Variants in B4GALNT3 observed in about 807,000 individuals in gnomAD.
The protein encoded by B4GALNT3 is beta-1,4-N-acetyl-galactosaminyltransferase 3, also known as beta-1,4-N-acetylgalactosaminyltransferase 3.
B4GALNT3 carries 86 observed loss-of-function variants against 120.2 expected under a neutral mutation model. The ratio of observed to expected loss-of-function variants is 0.72; its 90% CI spans 0.60 to 0.86. B4GALNT3 has a LOEUF of 0.86. Among genes scored for constraint, B4GALNT3 ranks in the 40% least tolerant of loss-of-function variants. The pLI is 0.00. For missense variants in B4GALNT3, 1,167 were observed against 1,298.9 expected, an observed-to-expected ratio of 0.90 and a Z score of 1.56; for synonymous variants, 518 against 510.4, an observed-to-expected ratio of 1.01 and a Z score of -0.20.
chr12:471,658 G>T (rs1946137628), intron 1 of B4GALNT3, among the ~76,000 whole-genome samples: 1 of 151,728 alleles, frequency 6.6e-6, no homozygotes, highest in Admixed American at 6.6e-5. Context: ...AGTGAGCCAA[G>T]ATTATGCCAT....
chr12:534,564 G>A (rs1246448912), intron 1 of B4GALNT3, among the ~76,000 whole-genome samples: 3 of 152,146 alleles, frequency 2.0e-5, no homozygotes, highest in South Asian at 2.1e-4. Flanking sequence ...TACAGACAGC[G>A]TCAGCCACAC....
rs775917957 is a variant in B4GALNT3, at chr12:460,553, G to A, written c.169+8G>A. 9 of 1,442,084 alleles carry A rather than the reference G, an allele frequency of 6.2e-6. No homozygotes were observed. Among genetic ancestry groups the A allele is most frequent in the Non-Finnish European group, 8.3e-6 (9 of 1,086,520 alleles). 89.3% of individuals were successfully genotyped at this position (1,442,084 alleles called of 1,614,324 possible). Reference sequence around the variant, plus strand: ...GGAACCCCCTGAACCGGAGTAAGTAGCACCCAGGGGAGGCGAAGGGCGCGG... The same window carrying A: ...GGAACCCCCTGAACCGGAGTAAGTAACACCCAGGGGAGGCGAAGGGCGCGG... On this transcript the variant is annotated splice_region_variant and intron_variant, in intron 1 of 19. Coordinates refer to ENST00000266383, the MANE Select transcript of B4GALNT3 (RefSeq NM_173593.4). This position sits in a 1 kb window ranked among gnomAD's most constrained non-coding sequence, Gnocchi z 8.0.
intron 1 of B4GALNT3, among the ~76,000 whole-genome samples, chr12:484,840 T>C (rs564104458): frequency 1.3e-5 from 2 of 151,610 alleles, no homozygotes; most frequent in Admixed American, 1.3e-4. Flanking sequence ...TGGAGGATGC[T>C]AAATTCCTCC....
rs1333104334 is a variant in B4GALNT3 at position 511,778 on chromosome 12, T to TCCGC, written c.170-23387_170-23386insCGCC. Among the ~76,000 whole-genome samples, 4 of 58,284 alleles carry TCCGC rather than the reference T, an allele frequency of 6.9e-5. 1 individual carries two copies. The highest frequency in any genetic ancestry group is 2.4e-4 in the African/African-American group (3 of 12,666). The allele number at this position is 58,284 out of a possible 152,430, so 38.2% of individuals were successfully genotyped here. A position where few individuals can be genotyped will look rare whatever the true frequency, so the allele number is the denominator to read the frequency against. On this transcript the variant is annotated intron_variant, in intron 1 of 19. Transcript: ENST00000266383. ...TTCTTCCACCTTCCACCTTCCACCT[T>TCCGC]CTTCCACCTTCCACCTTCCACCTTC...
chr12:519,597 C>CT (rs33954082), intron 1 of B4GALNT3, among the ~76,000 whole-genome samples: 24,900 of 134,106 alleles, frequency 0.19, 2,634 homozygotes, highest in South Asian at 0.36. Context: ...TTCCTTTCTG[C>CT]TTTTTTTTTT....
rs1341347914 is a variant in B4GALNT3 at position 535,873 on chromosome 12, T to G, written c.274-345T>G. ...CTGTGGACCTGCACAATAGGGAGGGTTTGGTGGTGTCCCTGAGGGGCTCCC... is the reference window on the plus strand; with the variant it reads ...CTGTGGACCTGCACAATAGGGAGGGGTTGGTGGTGTCCCTGAGGGGCTCCC... On this transcript the variant is annotated intron_variant, in intron 2 of 19. Transcript: ENST00000266383. 4.0e-5 allele frequency among the ~76,000 whole-genome samples: 6 copies of G among 151,698 alleles called. 1 individual carries two copies. The highest frequency in any genetic ancestry group is 3.9e-4 in the Admixed American group (6 of 15,230).
At chr12:551,242 G>C (rs1227659546) in intron 11 of B4GALNT3, among the ~76,000 whole-genome samples, 4 of 152,246 alleles carry the variant, frequency 2.6e-5, no homozygotes, top group Non-Finnish European at 1.5e-5. Flanking sequence ...GCACGTGGGT[G>C]CTCTGCCTCA....
chr12:559,569 A>G, intron 19 of B4GALNT3, 148 bp downstream of exon 19: 1 of 1,137,680 alleles, frequency 8.8e-7, no homozygotes, highest in Non-Finnish European at 1.2e-6. Context: ...ACGCCCTCAA[A>G]TCACCGGCCT....
Position 562,788 on chromosome 12 carries a change from A to T in B4GALNT3, c.*1337A>T, listed in dbSNP as rs957158637. 4 of 152,294 alleles carry T rather than the reference A, an allele frequency of 2.6e-5. No homozygotes were observed. Among genetic ancestry groups the T allele is most frequent in the Admixed American group, 2.6e-4 (4 of 15,260 alleles). The allele number at this position is 152,294 out of a possible 1,614,324, so 9.4% of individuals were successfully genotyped here. ...TGCTGCTGCCTCCACCACTGCTGTG[A>T]ATTCACCCATGGTGCATTGGACACT... On this transcript the variant is annotated 3_prime_UTR_variant, in exon 20 of 20. Transcript: ENST00000266383. The surrounding 1 kb of genome is among the most constrained non-coding windows in gnomAD (Gnocchi z 5.2).
intron 1 of B4GALNT3, among the ~76,000 whole-genome samples, chr12:498,650 T>A (rs868607668): frequency 2.6e-5 from 4 of 152,042 alleles, no homozygotes; most frequent in Admixed American, 2.0e-4. Context: ...AATGACAAGC[T>A]GAGAAAAAGC....
At chr12:541,008 G>T (rs1216662476) in intron 3 of B4GALNT3, among the ~76,000 whole-genome samples, 1 of 152,248 alleles carries the variant, frequency 6.6e-6, no homozygotes, top group Non-Finnish European at 1.5e-5. Context: ...CTCCCAAAGT[G>T]CTGGGATTAC....
Position 537,139 on chromosome 12 carries a change from G to A in B4GALNT3, c.351+844G>A, listed in dbSNP as rs138795911. 1.5e-3 allele frequency among the ~76,000 whole-genome samples: 233 copies of A among 152,276 alleles called. 1 individual carries two copies. Among genetic ancestry groups the A allele is most frequent in the East Asian group, 7.7e-3 (40 of 5,186 alleles). ...ATTATACTCTATGAAACTAGTGCTC[G>A]AGGATCCATAGAAATGCTGTAACGA... On this transcript the variant is annotated intron_variant, in intron 3 of 19. Transcript: ENST00000266383.
chr12:513,328 A>G (rs910405686), intron 1 of B4GALNT3, among the ~76,000 whole-genome samples: 4 of 152,278 alleles, frequency 2.6e-5, no homozygotes, highest in Admixed American at 2.6e-4. Flanking sequence ...ACTATTCCAC[A>G]AGCAGAGCAG....
At chr12:559,042 G>A (rs939915039) in intron 18 of B4GALNT3, among the ~76,000 whole-genome samples, 17 of 152,134 alleles carry the variant, frequency 1.1e-4, no homozygotes, top group African/African-American at 2.2e-4. Flanking sequence ...TGTGGCTGCC[G>A]CTGTCCGATC....
Position 545,286 on chromosome 12 carries a change from A to G in B4GALNT3, c.539-83A>G, listed in dbSNP as rs186965519. ...AGCATCAAGCACTGAAGGGAATTTA[A>G]TCGCTAAGACACTCACAAAAGCCTC... On this transcript the variant is annotated intron_variant, in intron 5 of 19. Transcript: ENST00000266383. 12 of 1,521,192 alleles carry G rather than the reference A, an allele frequency of 7.9e-6. No homozygotes were observed. In the East Asian group the frequency reaches 1.9e-4, roughly 25 times the overall value. The allele number at this position is 1,521,192 out of a possible 1,614,324, so 94.2% of individuals were successfully genotyped here.
chr12:553,401 G>A lies in B4GALNT3; in HGVS notation c.1478G>A (p.Arg493Gln), dbSNP rs144085398. The change falls in exon 14 of 20, where the codon CGG becomes CAG. Residue 493 changes from arginine (R) to glutamine (Q), a missense_variant. By Grantham distance (43) the Arg-to-Gln change is conservative. Transcript: ENST00000266383. ...REGLLAPFSK[R>Q]NSTASFPGRT... The stretch of plus-strand genomic sequence containing the variant: ...GGCCTGCTGGCCCCCTTCTCCAAGC[G>A]GAACTCCACAGCGTCCTTCCCAGGG... The A allele has an allele frequency of 4.3e-5, 69 of 1,613,898 alleles. No individual in the cohort carries two copies. The highest frequency in any genetic ancestry group is 4.3e-4 in the African/African-American group (32 of 75,072).
At chr12:466,640 G>A (rs1343079122) in intron 1 of B4GALNT3, among the ~76,000 whole-genome samples, 6 of 152,184 alleles carry the variant, frequency 3.9e-5, no homozygotes, top group Non-Finnish European at 8.8e-5. Flanking sequence ...TATATTCTGA[G>A]CAAAGTGTGA....
chr12:557,053 C>T (rs1282517731), intron 15 of B4GALNT3, among the ~76,000 whole-genome samples, 187 bp downstream of exon 15: 2 of 152,168 alleles, frequency 1.3e-5, no homozygotes, highest in African/African-American at 2.4e-5. Context: ...TAAATGTTGC[C>T]GCTAAAAACA....
intron 12 of B4GALNT3, 132 bp from the exon 13 acceptor site, chr12:552,322 CACACACACACACA>C (rs1947093195): frequency 3.5e-6 from 3 of 865,802 alleles, no homozygotes; most frequent in Non-Finnish European, 5.7e-6. Context: ...CACACACACA[CACACACACACACA>C]CCCGCTCACC....
Sources: gnomAD v4.1 joint callset for allele counts (sites outside exome capture counted in the v4.1 genomes callset) on GRCh38, gnomAD v4.1.1 for gene constraint, Gnocchi (gnomAD v3.1) non-coding constraint, MANE v1.5 for transcripts, NCBI Gene and HGNC (gene_info 2026-07-23, HGNC 2026-07-21) for gene names.